The following CYP20A1 variants were observed in gnomAD, a reference collection of about 807,000 sequenced individuals.
CYP20A1 encodes cytochrome P450 family 20 subfamily A member 1, also known as cytochrome P450 20A1.
Under a neutral mutation model 61.4 loss-of-function variants are expected in CYP20A1, and 61 were observed. The ratio of observed to expected loss-of-function variants is 0.99; its 90% CI spans 0.81 to 1.23. The LOEUF (loss-of-function observed/expected upper bound fraction) is 1.23, where lower values mean the gene tolerates loss of function less well. Ranked by LOEUF, CYP20A1 falls within the 50% of genes most tolerant of loss-of-function variation. The pLI is 0.00. For synonymous variants in CYP20A1, 193 were observed against 188.2 expected (o/e 1.03, Z -0.21); for missense variants, 530 against 542.4 (o/e 0.98, Z 0.23).
At chr2:203,291,185 C>T (rs1361166125) in intron 10 of CYP20A1, among the ~76,000 whole-genome samples, 1 of 151,974 alleles carries the variant, frequency 6.6e-6, no homozygotes, top group Non-Finnish European at 1.5e-5. Context: ...ACCTCAGCTT[C>T]CCAAGTAGCT....
chr2:203,291,842 C>A (rs1169095147), intron 10 of CYP20A1, among the ~76,000 whole-genome samples: 1 of 152,160 alleles, frequency 6.6e-6, no homozygotes, highest in East Asian at 1.9e-4. Flanking sequence ...CTCCACGCCA[C>A]AACAGGCCCC....
At chr2:203,266,771 A>G in intron 5 of CYP20A1, 90 bp downstream of exon 5, 1 of 1,083,300 alleles carries the variant, frequency 9.2e-7, no homozygotes, top group Non-Finnish European at 1.4e-6. Context: ...GGCTGCAGTC[A>G]GGAGTTAAAG....
rs968268200 is a variant in CYP20A1 at position 203,304,160 on chromosome 2, C to T, written c.*7252C>T. Among the ~76,000 whole-genome samples, 4 of 151,994 alleles carry T rather than the reference C, an allele frequency of 2.6e-5. No homozygotes were observed. The highest frequency in any genetic ancestry group is 2.0e-4 in the Admixed American group (3 of 15,248). The stretch of plus-strand genomic sequence containing the variant: ...CTGGGAGGTGGAGGTTGCAGTGTGC[C>T]GAGATCGCACCACTGTACTCCAGCC... On this transcript the variant is annotated 3_prime_UTR_variant, in exon 13 of 13. Transcript: ENST00000356079.
At chr2:203,272,621 T>TA in intron 5 of CYP20A1, 49 bp from the exon 6 acceptor site, 2 of 1,258,542 alleles carry the variant, frequency 1.6e-6, no homozygotes, top group Non-Finnish European at 2.2e-6. Flanking sequence ...GTATTATTTT[T>TA]AAAATTCTAC....
chr2:203,294,490 A>G (rs1237189573), intron 11 of CYP20A1, among the ~76,000 whole-genome samples: 1 of 152,056 alleles, frequency 6.6e-6, no homozygotes, highest in Non-Finnish European at 1.5e-5. Context: ...ATTGCACCCC[A>G]GCCTGGGCAA....
intron 3 of CYP20A1, among the ~76,000 whole-genome samples, chr2:203,248,542 A>G (rs1176706472): frequency 3.3e-5 from 5 of 152,172 alleles, no homozygotes; most frequent in Admixed American, 3.3e-4. Context: ...TCAAAAAAAA[A>G]AGACTCTCAT....
At chr2:203,271,105 T>TG (rs2067579035) in intron 5 of CYP20A1, among the ~76,000 whole-genome samples, 3 of 111,580 alleles carry the variant, frequency 2.7e-5, no homozygotes, top group Non-Finnish European at 5.3e-5. Flanking sequence ...TTTTTTTTTT[T>TG]GAGACGGAGT....
chr2:203,268,797 T>C (rs1193830156), intron 5 of CYP20A1, among the ~76,000 whole-genome samples: 1 of 152,142 alleles, frequency 6.6e-6, no homozygotes, highest in Non-Finnish European at 1.5e-5. Flanking sequence ...TTAAGTGATT[T>C]CTTACCCTCC....
chr2:203,255,345 TTAAA>T (rs2066856220), intron 4 of CYP20A1, among the ~76,000 whole-genome samples: 1 of 152,238 alleles, frequency 6.6e-6, no homozygotes, highest in African/African-American at 2.4e-5. Context: ...TGTTAACGTA[TTAAA>T]TAGCAAGATC....
In CYP20A1 at chr2:203,251,964, C is replaced by T. The variant is rs2066707122; in HGVS notation, c.290-3C>T. ...ACAGAAATATTTAATTTGTCTGTTT[C>T]AGCGGACCCTTTTGAAACCATGCTG... On this transcript the variant is annotated splice_region_variant and splice_polypyrimidine_tract_variant and intron_variant, in intron 3 of 12. Transcript: ENST00000356079. 6.5e-7 allele frequency: 1 copy of T among 1,547,612 alleles called. No homozygotes were observed. The highest frequency in any genetic ancestry group is 8.7e-7 in the Non-Finnish European group (1 of 1,143,442).
Position 203,245,851 on chromosome 2 carries a change from C to T in CYP20A1, c.78C>T (p.Ser26=). 6.3e-7 allele frequency: 1 copy of T among 1,599,380 alleles called. No homozygotes were observed. The highest frequency in any genetic ancestry group is 1.1e-5 in the South Asian group (1 of 89,286). ...ATAAACTTTTTTTTTGTAAGGCTTC[C>T]AGACAAGCTGCAGGAATTCCAGGGA... The part of the protein sequence containing the change: ...VGAVLYLYPA[S]RQAAGIPGIT... Residue 26 remains serine, a synonymous_variant, in exon 2 of 13, where the codon TCC becomes TCT. Transcript: ENST00000356079.
intron 5 of CYP20A1, among the ~76,000 whole-genome samples, chr2:203,272,036 G>A (rs374552427): frequency 2.6e-5 from 4 of 152,048 alleles, no homozygotes; most frequent in African/African-American, 9.7e-5. Flanking sequence ...CGGCGTGGGG[G>A]AAGAAAAAAT....
intron 2 of CYP20A1, 77 bp downstream of exon 2, chr2:203,245,972 C>A: frequency 3.0e-6 from 3 of 1,009,470 alleles, no homozygotes; most frequent in Non-Finnish European, 4.5e-6. Flanking sequence ...TATTTTTAGC[C>A]AATCATGGTA....
intron 3 of CYP20A1, among the ~76,000 whole-genome samples, chr2:203,250,561 A>G (rs1245148709): frequency 2.0e-5 from 3 of 152,206 alleles, no homozygotes; most frequent in Non-Finnish European, 4.4e-5. Flanking sequence ...TTTATACAAC[A>G]TGAAAAGATG....
intron 3 of CYP20A1, among the ~76,000 whole-genome samples, chr2:203,247,292 A>T (rs2066495343): frequency 6.6e-6 from 1 of 151,998 alleles, no homozygotes; most frequent in South Asian, 2.1e-4. Flanking sequence ...GTTTATAAAT[A>T]AAAACTGTAT....
intron 8 of CYP20A1, among the ~76,000 whole-genome samples, chr2:203,284,118 A>C (rs1421519351): frequency 6.6e-6 from 1 of 152,210 alleles, no homozygotes; most frequent in Non-Finnish European, 1.5e-5. Context: ...TAAGAAAACT[A>C]ATCAGAGTAA....
intron 4 of CYP20A1, among the ~76,000 whole-genome samples, chr2:203,261,042 G>A (rs1284981294): frequency 6.6e-6 from 1 of 151,720 alleles, no homozygotes; most frequent in Non-Finnish European, 1.5e-5. Context: ...GAGAGAGAAG[G>A]CATATAATTA....
At chr2:203,244,410 G>C (rs927872483) in intron 1 of CYP20A1, among the ~76,000 whole-genome samples, 1 of 152,032 alleles carries the variant, frequency 6.6e-6, no homozygotes, top group Non-Finnish European at 1.5e-5. Context: ...ATGTTTGTCA[G>C]GCTGGTCTTG....
At chr2:203,294,506 A>G (rs1323098004) in intron 11 of CYP20A1, among the ~76,000 whole-genome samples, 13 of 152,060 alleles carry the variant, frequency 8.5e-5, no homozygotes, top group Admixed American at 8.5e-4. Context: ...GGCAACAAGA[A>G]TGAAACTCCA....
Sources: gnomAD v4.1 joint callset for allele counts (sites outside exome capture counted in the v4.1 genomes callset) on GRCh38, gnomAD v4.1.1 for gene constraint, MANE v1.5 for transcripts, NCBI Gene and HGNC (gene_info 2026-07-23, HGNC 2026-07-21) for gene names.